EPGN: variants seen among roughly 807,000 people sequenced by gnomAD.
EPGN encodes epithelial mitogen.
Under a neutral mutation model 20.7 loss-of-function variants are expected in EPGN, and 21 were observed. The observed-to-expected ratio is 1.01, with a 90% CI of 0.72 to 1.46. EPGN has a LOEUF of 1.46. Ranked by LOEUF, EPGN falls within the 40% of genes most tolerant of loss-of-function variation. The probability of loss-of-function intolerance (pLI) is 0.00; values close to 1 mark genes in which losing one functional copy is unlikely to be tolerated. For synonymous variants in EPGN, 69 were observed against 63.8 expected (o/e 1.08, Z -0.39); for missense variants, 199 against 180.7 (o/e 1.10, Z -0.58).
In EPGN at chr4:74,316,319, A is replaced by G. The variant is rs948428172; in HGVS notation, c.*1682A>G. On this transcript the variant is annotated 3_prime_UTR_variant, in exon 5 of 5. Transcript: ENST00000413830. ...ATTTTTTAAGATTCAATCTAAAACAATGGACTCTTTTTTTTTCCATTTGTG... is the reference window on the plus strand; with the variant it reads ...ATTTTTTAAGATTCAATCTAAAACAGTGGACTCTTTTTTTTTCCATTTGTG... Among the ~76,000 whole-genome samples the G allele has an allele frequency of 4.6e-5, 7 of 152,316 alleles. No individual in the cohort carries two copies. The South Asian group carries it at 1.2e-3, about 27-fold the overall frequency.
intron 4 of EPGN, 96 bp from the exon 5 acceptor site, chr4:74,314,484 C>A: frequency 8.1e-7 from 1 of 1,241,406 alleles, no homozygotes; most frequent in Non-Finnish European, 1.1e-6. Context: ...CTGGGTGGGA[C>A]ACCAAGAGCA....
chr4:74,311,588 G>T (rs1381006114), intron 2 of EPGN, among the ~76,000 whole-genome samples: 2 of 152,088 alleles, frequency 1.3e-5, no homozygotes, highest in Non-Finnish European at 2.9e-5. Context: ...TTCTGTTTGA[G>T]AAACATTTAA....
chr4:74,311,470 C>T (rs1323614439), intron 2 of EPGN, among the ~76,000 whole-genome samples: 1 of 152,048 alleles, frequency 6.6e-6, no homozygotes, highest in South Asian at 2.1e-4. Flanking sequence ...TTTTTCCCTA[C>T]AAACAAGTAA....
intron 4 of EPGN, chr4:74,314,244 G>A: frequency 2.0e-6 from 1 of 500,306 alleles, no homozygotes; most frequent in Non-Finnish European, 3.9e-6. Context: ...TCTAGAATGT[G>A]AATAGCAGTG....
intron 3 of EPGN, 128 bp downstream of exon 3, chr4:74,312,433 A>G: frequency 1.0e-6 from 1 of 984,472 alleles, no homozygotes; most frequent in African/African-American, 1.7e-5. Flanking sequence ...ACATGACTTG[A>G]CAGGCCTCTA....
At position 74,313,029 on chromosome 4, in the gene EPGN, G is replaced by T; in HGVS notation, c.266G>T (p.Gly89Val). Residue 89 changes from glycine (G) to valine (V), a missense_variant, in exon 4 of 5, where the codon GGT becomes GTT. Transcript: ENST00000413830. ...TTCTTTTTTTAAAGGTGTTTTACTG[G>T]TTATACTGGAGAAAGGTGTGAGCAC... ...LEKAICRCFT[G>V]YTGERCEHLT... is the part of the protein sequence containing the mutation. 6.2e-7 allele frequency: 1 copy of T among 1,606,646 alleles called. No individual in the cohort carries two copies. Among genetic ancestry groups the T allele is most frequent in the Non-Finnish European group, 8.5e-7 (1 of 1,178,278 alleles).
rs1751276639 is a variant in EPGN at position 74,316,442 on chromosome 4, C to A, written c.*1805C>A. Among the ~76,000 whole-genome samples the A allele has an allele frequency of 6.6e-6, 1 of 152,146 alleles. No individual in the cohort carries two copies. The highest frequency in any genetic ancestry group is 1.5e-5 in the Non-Finnish European group (1 of 68,030). On this transcript the variant is annotated 3_prime_UTR_variant, in exon 5 of 5. Coordinates refer to ENST00000413830, the MANE Select transcript of EPGN (RefSeq NM_001270989.2). Reference sequence around the variant, plus strand: ...AGTCCAGCAACAAGCCTTTCATTTACATTAAATTATAACTTTTCATTCATT... The same window carrying A: ...AGTCCAGCAACAAGCCTTTCATTTAAATTAAATTATAACTTTTCATTCATT...
At chr4:74,309,704 G>T (rs944436035) in intron 2 of EPGN, among the ~76,000 whole-genome samples, 1 of 152,038 alleles carries the variant, frequency 6.6e-6, no homozygotes, top group Admixed American at 6.6e-5. Flanking sequence ...TGTTGTTGAT[G>T]GTAATGATAT....
At chr4:74,313,962 G>A (rs1751134249) in intron 4 of EPGN, among the ~76,000 whole-genome samples, 2 of 152,068 alleles carry the variant, frequency 1.3e-5, no homozygotes, top group Non-Finnish European at 1.5e-5. Context: ...TTGTAGATTT[G>A]CCTAAGAGAC....
intron 3 of EPGN, 72 bp from the exon 4 acceptor site, chr4:74,312,946 T>C: frequency 8.0e-7 from 1 of 1,242,954 alleles, no homozygotes; most frequent in Non-Finnish European, 1.1e-6. Context: ...TTTTTTTAAA[T>C]TTATTGAAAC....
At position 74,315,007 on chromosome 4, in the gene EPGN, C is replaced by G. The variant is rs570019052; in HGVS notation, c.*370C>G. The G allele has an allele frequency of 1.8e-4, 37 of 208,314 alleles. No individual in the cohort carries two copies. The highest frequency in any genetic ancestry group is 3.2e-4 in the Non-Finnish European group (34 of 104,668). 12.9% of individuals were successfully genotyped at this position (208,314 alleles called of 1,614,324 possible). On this transcript the variant is annotated 3_prime_UTR_variant, in exon 5 of 5. Transcript: ENST00000413830. ...CTTGCAGCAAGCCAAAGCAATGCCTCGCTTGGGTTCTTCATGTTCTTACTA... is the reference window on the plus strand; with the variant it reads ...CTTGCAGCAAGCCAAAGCAATGCCTGGCTTGGGTTCTTCATGTTCTTACTA...
At chr4:74,312,104 A>C (rs575917871) in intron 2 of EPGN, 81 bp from the exon 3 acceptor site, 3 of 1,459,138 alleles carry the variant, frequency 2.1e-6, no homozygotes, top group Admixed American at 4.7e-5. Flanking sequence ...TAAAATTAAA[A>C]ATTTATTTAC....
chr4:74,309,161 T>C lies in EPGN; in HGVS notation c.112T>C (p.Trp38Arg). 1 of 1,612,990 alleles carries C rather than the reference T, an allele frequency of 6.2e-7. No homozygotes were observed. The highest frequency in any genetic ancestry group is 1.3e-5 in the African/African-American group (1 of 75,038). The change falls in exon 2 of 5, where the codon TGG (tryptophan) becomes CGG (arginine). Residue 38 changes from tryptophan to arginine, a missense_variant. Coordinates refer to ENST00000413830, the MANE Select transcript of EPGN (RefSeq NM_001270989.2). The stretch of plus-strand genomic sequence containing the variant: ...TCCAATCACAGCCCAGCAAGGTAAC[T>C]GGACAGTTAACAAAACAGAAGGTAT... ...TPPITAQQGN[W>R]TVNKTEADNI...
In EPGN at chr4:74,316,032, T is replaced by G. The variant is rs1217198013; in HGVS notation, c.*1395T>G. ...ATTCAAACAGTCATATGCAGGTCGC[T>G]TAATTTATTTGTGCTTTTGTTTCAT... On this transcript the variant is annotated 3_prime_UTR_variant, in exon 5 of 5. Transcript: ENST00000413830. Among the ~76,000 whole-genome samples, 1 of 152,068 alleles carries G rather than the reference T, an allele frequency of 6.6e-6. No homozygotes were observed. The highest frequency in any genetic ancestry group is 1.5e-5 in the Non-Finnish European group (1 of 68,018).
chr4:74,313,358 AT>A, intron 4 of EPGN, 188 bp downstream of exon 4: 1 of 1,396,262 alleles, frequency 7.2e-7, no homozygotes, highest in Non-Finnish European at 9.2e-7. Flanking sequence ...AGTGGTAAAA[AT>A]TTGCCTTCAG....
rs139163699 is a variant in EPGN, at chr4:74,310,769, C to T, written c.134-1416C>T. On this transcript the variant is annotated intron_variant, in intron 2 of 4. Transcript: ENST00000413830. ...AAAATAGTGAAATATTTGCATATAA[C>T]CTATAGACACACACCCATGTACTTT... Among the ~76,000 whole-genome samples the T allele has an allele frequency of 4.9e-3, 744 of 152,220 alleles. 6 individuals are homozygous for T. The highest frequency in any genetic ancestry group is 0.016 in the African/African-American group (672 of 41,540).
At chr4:74,313,929 G>A (rs1751131949) in intron 4 of EPGN, among the ~76,000 whole-genome samples, 3 of 152,190 alleles carry the variant, frequency 2.0e-5, no homozygotes, top group African/African-American at 7.2e-5. Flanking sequence ...ATCTTAGAGA[G>A]AATCAAATCT....
In EPGN at chr4:74,315,825, G is replaced by T. The variant is rs1751246164; in HGVS notation, c.*1188G>T. ...AAATTAGCTGGGCGTGGTGGTGCAT[G>T]CCTGTAATCCCAGCTACTCCAGAGG... On this transcript the variant is annotated 3_prime_UTR_variant, in exon 5 of 5. Coordinates refer to ENST00000413830, the MANE Select transcript of EPGN (RefSeq NM_001270989.2). 6.6e-6 allele frequency among the ~76,000 whole-genome samples: 1 copy of T among 151,816 alleles called. No individual in the cohort carries two copies. Among genetic ancestry groups the T allele is most frequent in the Non-Finnish European group, 1.5e-5 (1 of 67,972 alleles).
chr4:74,308,721 G>T (rs1325611560), intron 1 of EPGN, 145 bp downstream of exon 1: 4 of 664,270 alleles, frequency 6.0e-6, no homozygotes, highest in Non-Finnish European at 7.4e-6. Context: ...GATTAATTTA[G>T]TTTCTTATGT....
Sources: allele counts gnomAD v4.1 joint callset (sites outside exome capture counted in the v4.1 genomes callset), GRCh38; gene constraint gnomAD v4.1.1; transcripts MANE v1.5; gene names NCBI Gene and HGNC (gene_info 2026-07-23, HGNC 2026-07-21).